FHIP2A: variants seen among roughly 807,000 people sequenced by gnomAD.
FHIP2A encodes the protein family with sequence similarity 160 member B1.
Under a neutral mutation model 93.5 loss-of-function variants are expected in FHIP2A, and 46 were observed. That is an observed-to-expected ratio of 0.49 (90% confidence interval 0.39 to 0.63). The LOEUF (loss-of-function observed/expected upper bound fraction) is 0.63. Ranked by LOEUF, FHIP2A falls within the 20% of genes least tolerant of loss-of-function variation. FHIP2A has a pLI of 0.00. For missense variants in FHIP2A, 769 were observed against 909.7 expected (o/e 0.85, Z 1.99); for synonymous variants, 332 against 326.5 (o/e 1.02, Z -0.18).
chr10:114,886,122 A>G (rs111328745), intron 16 of FHIP2A, among the ~76,000 whole-genome samples: 490 of 152,330 alleles, frequency 3.2e-3, no homozygotes, highest in Non-Finnish European at 5.7e-3. Context: ...GGAGGAATTA[A>G]CACTTATGAA....
At chr10:114,888,919 AG>A (rs1177509235) in intron 16 of FHIP2A, among the ~76,000 whole-genome samples, 1 of 152,080 alleles carries the variant, frequency 6.6e-6, no homozygotes, top group Non-Finnish European at 1.5e-5. Flanking sequence ...GGAACTTTTG[AG>A]GTTTGTCTGA....
chr10:114,864,296 A>G lies in FHIP2A; in HGVS notation c.*2756A>G, dbSNP rs1306484431. ...CCATTTAATTATGAAGTCCATCAGT[A>G]TTGACAGAAGACGTTACAGTGAAGT... On this transcript the variant is annotated 3_prime_UTR_variant, in exon 17 of 17. Coordinates refer to ENST00000369248, the MANE Select transcript of FHIP2A (RefSeq NM_020940.4). 2.2e-5 allele frequency: 22 copies of G among 985,008 alleles called. No homozygotes were observed. The highest frequency in any genetic ancestry group is 2.5e-5 in the Non-Finnish European group (21 of 829,120). The allele number at this position is 985,008 out of a possible 1,614,324, so 61.0% of individuals were successfully genotyped here.
intron 16 of FHIP2A, among the ~76,000 whole-genome samples, chr10:114,876,279 C>G (rs958224435): frequency 9.9e-5 from 15 of 152,178 alleles, no homozygotes; most frequent in African/African-American, 3.6e-4. Context: ...TGCAGGTCCA[C>G]GTCATCTCTG....
intron 14 of FHIP2A, among the ~76,000 whole-genome samples, chr10:114,857,335 G>A (rs1198680052): frequency 1.4e-5 from 1 of 69,950 alleles, no homozygotes; most frequent in Non-Finnish European, 3.9e-5. Flanking sequence ...TTCTGAGACC[G>A]AGTCTCGCTC....
intron 16 of FHIP2A, among the ~76,000 whole-genome samples, chr10:114,890,358 G>T (rs2083964568): frequency 6.6e-6 from 1 of 151,750 alleles, no homozygotes; most frequent in Non-Finnish European, 1.5e-5. Context: ...ATTACTTGTG[G>T]AGTTTGATAC....
chr10:114,887,142 G>T (rs768736403), intron 16 of FHIP2A, among the ~76,000 whole-genome samples: 3 of 152,104 alleles, frequency 2.0e-5, no homozygotes, highest in African/African-American at 7.2e-5. Flanking sequence ...ACTTTCCTTT[G>T]GGGTATATTC....
At chr10:114,872,592 A>G (rs558091026) in intron 16 of FHIP2A, among the ~76,000 whole-genome samples, 55 of 152,238 alleles carry the variant, frequency 3.6e-4, no homozygotes, top group Non-Finnish European at 6.8e-4. Flanking sequence ...TCCTACTCCA[A>G]TGCTTTGTAG....
rs1259197374 is a variant in FHIP2A at position 114,863,174 on chromosome 10, A to G, written c.*1634A>G. ...TTATTAAGTAAAACAAAGAAAAAAC[A>G]GAAGTGGGAGATAGTTATTTTGTGC... On this transcript the variant is annotated 3_prime_UTR_variant, in exon 17 of 17. Coordinates refer to ENST00000369248, the MANE Select transcript of FHIP2A (RefSeq NM_020940.4). 3.1e-6 allele frequency: 3 copies of G among 977,298 alleles called. No individual in the cohort carries two copies. Among genetic ancestry groups the G allele is most frequent in the Non-Finnish European group, 3.6e-6 (3 of 822,636 alleles). The allele number at this position is 977,298 out of a possible 1,614,324, so 60.5% of individuals were successfully genotyped here. A position where few individuals can be genotyped will look rare whatever the true frequency, so the allele number is the denominator to read the frequency against.
intron 16 of FHIP2A, among the ~76,000 whole-genome samples, chr10:114,887,916 C>T (rs2083951234): frequency 6.6e-6 from 1 of 152,210 alleles, no homozygotes; most frequent in Non-Finnish European, 1.5e-5. Flanking sequence ...AAACTCAAGG[C>T]TCCCAGAGAA....
At chr10:114,859,026 C>G (rs991705780) in intron 14 of FHIP2A, among the ~76,000 whole-genome samples, 8 of 151,792 alleles carry the variant, frequency 5.3e-5, no homozygotes, top group African/African-American at 1.9e-4. Context: ...AAAAAATACC[C>G]AAAGCCCCCA....
chr10:114,846,707 A>G lies in FHIP2A; in HGVS notation c.1547A>G (p.Asn516Ser), dbSNP rs199921122. Residue 516 changes from asparagine (N) to serine (S), a missense_variant, in exon 11 of 17, where the codon AAT becomes AGT. Transcript: ENST00000369248. ...CCAGAAGATAAAGATGTGGTAGAAA[A>G]TGGATTGATAGCAGGAGCAGTGTAA... ...LCPEDKDVVE[N>S]GLIAGAVDLE... The G allele has an allele frequency of 8.1e-6, 13 of 1,602,844 alleles. No homozygotes were observed. Among genetic ancestry groups the G allele is most frequent in the Non-Finnish European group, 1.1e-5 (13 of 1,177,170 alleles).
intron 14 of FHIP2A, among the ~76,000 whole-genome samples, chr10:114,856,634 G>T (rs1021044119): frequency 4.6e-5 from 7 of 152,028 alleles, no homozygotes; most frequent in Non-Finnish European, 8.8e-5. Context: ...TTAAAAAGTA[G>T]TTTCTGAATT....
downstream of FHIP2A, among the ~76,000 whole-genome samples, chr10:114,868,583 T>C (rs549900669): frequency 3.3e-5 from 5 of 152,214 alleles, no homozygotes; most frequent in East Asian, 9.7e-4. Flanking sequence ...ATATTTTAAA[T>C]ATTAGGTAAT....
intron 16 of FHIP2A, among the ~76,000 whole-genome samples, chr10:114,873,671 A>T (rs2083870058): frequency 1.3e-5 from 2 of 152,312 alleles, no homozygotes; most frequent in East Asian, 1.9e-4. Context: ...TTGGGTTATA[A>T]TCTAATACTA....
In FHIP2A at chr10:114,830,855, G is replaced by A. The variant is rs2083603633; in HGVS notation, c.49G>A (p.Ala17Thr). Residue 17 changes from alanine (A) to threonine (T), a missense_variant, in exon 2 of 17, where the codon GCA becomes ACA. Transcript: ENST00000369248. ...SILQHAVEAL[A>T]PSLPLQEDFV... ...TTGTGGTCTTTTGTTTGTGTAGCTT[G>A]CACCTTCTCTTCCTTTACAAGAAGA... The A allele has an allele frequency of 3.1e-6, 5 of 1,604,774 alleles. No homozygotes were observed. The highest frequency in any genetic ancestry group is 4.3e-6 in the Non-Finnish European group (5 of 1,175,102).
At chr10:114,890,656 G>GTATATATATATACGTA (rs1350962832) in intron 16 of FHIP2A, among the ~76,000 whole-genome samples, 3 of 143,922 alleles carry the variant, frequency 2.1e-5, no homozygotes, top group African/African-American at 7.7e-5. Context: ...GACATATACG[G>GTATATATATATACGTA]TATATAAAAT....
At chr10:114,848,814 C>A in intron 13 of FHIP2A, 77 bp downstream of exon 13, 1 of 892,206 alleles carries the variant, frequency 1.1e-6, no homozygotes, top group Non-Finnish European at 1.8e-6. Context: ...CTGCCCACCA[C>A]CACTGCTCCA....
At chr10:114,865,737 GAATT>G (rs2083825654), downstream of FHIP2A, among the ~76,000 whole-genome samples, 1 of 149,786 alleles carries the variant, frequency 6.7e-6, no homozygotes, top group Non-Finnish European at 1.5e-5. Flanking sequence ...GGAATTTAAA[GAATT>G]AACATAAAAC....
chr10:114,854,143 T>G (rs887534061), intron 13 of FHIP2A, among the ~76,000 whole-genome samples: 24 of 152,132 alleles, frequency 1.6e-4, no homozygotes, highest in South Asian at 1.0e-3. Context: ...CAGGGTTTTT[T>G]TTTTTTTTTT....
Sources: gnomAD v4.1 joint callset for allele counts (sites outside exome capture counted in the v4.1 genomes callset) on GRCh38, gnomAD v4.1.1 for gene constraint, MANE v1.5 for transcripts, NCBI Gene and HGNC (gene_info 2026-07-23, HGNC 2026-07-21) for gene names.